SGCD: variants seen among roughly 807,000 people sequenced by gnomAD.
SGCD encodes the protein delta-sarcoglycan.
In SGCD, 18 loss-of-function variants were observed where a neutral mutation model predicts 36.6. The observed-to-expected ratio is 0.49, with a 90% CI of 0.34 to 0.73. The LOEUF (loss-of-function observed/expected upper bound fraction) is 0.73, where lower values mean the gene tolerates loss of function less well. Among genes scored for constraint, SGCD ranks in the 30% least tolerant of loss-of-function variants. The pLI, the probability that SGCD is intolerant of heterozygous loss-of-function variation, is 0.01. For synonymous variants in SGCD, 133 were observed against 130.6 expected, an observed-to-expected ratio of 1.02 and a Z score of -0.12; for missense variants, 387 against 346.7, an observed-to-expected ratio of 1.12 and a Z score of -0.92.
chr5:156,321,210 A>G (rs1767654631), intron 3 of SGCD, among the ~76,000 whole-genome samples: 2 of 152,112 alleles, frequency 1.3e-5, no homozygotes, highest in Admixed American at 6.6e-5. Flanking sequence ...AGGAGGTCAG[A>G]AGATCGAGAC....
the SGCD span, among the ~76,000 whole-genome samples, chr5:155,788,704 G>A: frequency 6.6e-6 from 1 of 152,122 alleles, no homozygotes; most frequent in African/African-American, 2.4e-5. Context: ...ATTATGGTGT[G>A]TGGACAATGG....
chr5:155,904,864 A>G (rs1017723265), intron 1 of SGCD, among the ~76,000 whole-genome samples: 2 of 152,204 alleles, frequency 1.3e-5, no homozygotes, highest in Admixed American at 6.5e-5. Flanking sequence ...CTTGTAGTGC[A>G]AAGAACATTT....
chr5:155,779,143 C>A, the SGCD span, among the ~76,000 whole-genome samples: 1 of 152,208 alleles, frequency 6.6e-6, no homozygotes, highest in Non-Finnish European at 1.5e-5. Flanking sequence ...AACTTGAGCA[C>A]TGGTTCCATA....
intron 3 of SGCD, among the ~76,000 whole-genome samples, chr5:156,156,442 A>C (rs1268268919): frequency 1.3e-5 from 2 of 151,586 alleles, no homozygotes; most frequent in Non-Finnish European, 2.9e-5. Flanking sequence ...CAGCCTGACC[A>C]ACATGGCAAA....
chr5:155,767,547 A>G, the SGCD span, among the ~76,000 whole-genome samples: 1 of 151,506 alleles, frequency 6.6e-6, no homozygotes, highest in Non-Finnish European at 1.5e-5. Flanking sequence ...AAGGAACAGC[A>G]GTTTTGAAGA....
chr5:155,947,261 A>T (rs955676165), intron 1 of SGCD, among the ~76,000 whole-genome samples: 1 of 150,582 alleles, frequency 6.6e-6, no homozygotes. Flanking sequence ...ATTGACGCTC[A>T]CATTGTTAGC....
At chr5:156,231,203 T>C (rs1765006099) in intron 3 of SGCD, among the ~76,000 whole-genome samples, 1 of 152,194 alleles carries the variant, frequency 6.6e-6, no homozygotes, top group South Asian at 2.1e-4. Flanking sequence ...AATACTCTTA[T>C]ATGCCTTGTT....
At chr5:155,890,987 C>A (rs940452408) in intron 1 of SGCD, among the ~76,000 whole-genome samples, 2 of 151,898 alleles carry the variant, frequency 1.3e-5, no homozygotes, top group Non-Finnish European at 2.9e-5. Context: ...GAAAGAAATT[C>A]ACAAAAAAAG....
intron 1 of SGCD, among the ~76,000 whole-genome samples, chr5:155,885,306 A>G (rs1755975017): frequency 8.6e-6 from 1 of 116,094 alleles, no homozygotes; most frequent in Non-Finnish European, 1.6e-5. Context: ...TATTGATGTA[A>G]CATATGCATT....
chr5:156,142,213 T>G (rs995044081), intron 3 of SGCD, among the ~76,000 whole-genome samples: 7 of 152,176 alleles, frequency 4.6e-5, no homozygotes, highest in Non-Finnish European at 1.0e-4. Context: ...CTGCCATACT[T>G]GAAAGTTTCC....
chr5:156,127,908 C>A (rs1306245138), intron 3 of SGCD, among the ~76,000 whole-genome samples: 1 of 98,482 alleles, frequency 1.0e-5, no homozygotes, highest in Non-Finnish European at 2.0e-5. Flanking sequence ...GGAACAAAAG[C>A]TAGAATACCT....
chr5:155,866,689 T>C (rs144361278), upstream of SGCD, among the ~76,000 whole-genome samples: 261 of 152,316 alleles, frequency 1.7e-3, no homozygotes, highest in African/African-American at 6.0e-3. Flanking sequence ...CACTGGTTCT[T>C]CTTCATTCCA....
intron 7 of SGCD, among the ~76,000 whole-genome samples, chr5:156,652,911 A>G (rs986418893): frequency 6.6e-6 from 1 of 152,064 alleles, no homozygotes; most frequent in Non-Finnish European, 1.5e-5. Context: ...TGATTTGCAT[A>G]TGTTGAACTA....
At chr5:156,555,328 C>T (rs751861612) in intron 4 of SGCD, among the ~76,000 whole-genome samples, 14 of 152,112 alleles carry the variant, frequency 9.2e-5, no homozygotes, top group Non-Finnish European at 1.6e-4. Flanking sequence ...ATCTATGCTT[C>T]CTTACAAAGA....
rs756724874 is a variant in SGCD at position 156,508,677 on chromosome 5, ACGC to A, written c.271_273del (p.Ala91del). The A allele has an allele frequency of 1.2e-6, 2 of 1,606,808 alleles. No homozygotes were observed. The highest frequency in any genetic ancestry group is 1.7e-6 in the Non-Finnish European group (2 of 1,175,266). ...GACTCTGAATTCTTACAACCTCTCT[ACGC>A]CAAAGAAATCCAGTCCCGACCAGTA... On this transcript the variant is annotated inframe_deletion, in exon 4 of 9. Transcript: ENST00000337851.
chr5:156,500,533 G>A (rs6880345), intron 3 of SGCD, among the ~76,000 whole-genome samples: 33,646 of 152,124 alleles, frequency 0.22, 4,707 homozygotes, highest in Non-Finnish European at 0.32. Flanking sequence ...TTAAAAACCC[G>A]TCCAATGCTG....
intron 1 of SGCD, among the ~76,000 whole-genome samples, chr5:155,898,267 G>A (rs140645174): frequency 6.2e-4 from 94 of 152,164 alleles, no homozygotes; most frequent in African/African-American, 2.2e-3. Flanking sequence ...TTCTTTAATA[G>A]CAACCACATG....
chr5:155,791,970 A>C, the SGCD span, among the ~76,000 whole-genome samples: 1 of 152,186 alleles, frequency 6.6e-6, no homozygotes, highest in African/African-American at 2.4e-5. Flanking sequence ...AGCAATAAGA[A>C]TAAGGTCAGA....
intron 7 of SGCD, among the ~76,000 whole-genome samples, chr5:156,667,281 A>T (rs1753088883): frequency 6.6e-6 from 1 of 152,200 alleles, no homozygotes; most frequent in Non-Finnish European, 1.5e-5. Flanking sequence ...AGACACAAGG[A>T]GGAGTGTATA....
Sources: allele counts gnomAD v4.1 joint callset (sites outside exome capture counted in the v4.1 genomes callset), GRCh38; gene constraint gnomAD v4.1.1; transcripts MANE v1.5; gene names NCBI Gene and HGNC (gene_info 2026-07-23, HGNC 2026-07-21).